Variants in INTS15 observed in about 807,000 individuals in gnomAD.
INTS15 encodes uncharacterized protein C7orf26.
the INTS15 span, among the ~76,000 whole-genome samples, chr7:6,592,490 A>G: frequency 1.3e-5 from 2 of 148,680 alleles, no homozygotes; most frequent in African/African-American, 2.5e-5. Flanking sequence ...TCGTGTGAAT[A>G]TGGGAGGCGG....
the INTS15 span, chr7:6,591,500 G>C: frequency 6.4e-6 from 4 of 629,778 alleles, no homozygotes; most frequent in East Asian, 8.7e-5. Flanking sequence ...TCTTGACCTC[G>C]TGATTCGCCC....
chr7:6,590,616 GC>G, the INTS15 span: 3 of 1,389,470 alleles, frequency 2.2e-6, no homozygotes, highest in East Asian at 2.9e-5. Context: ...TCCTGCAGCA[GC>G]CCCCAAACCC....
the INTS15 span, chr7:6,594,302 G>T: frequency 6.9e-6 from 6 of 868,438 alleles, no homozygotes; most frequent in Non-Finnish European, 9.1e-6. Flanking sequence ...CACCACACTC[G>T]GCCCCATTAA....
chr7:6,607,836 G>A, the INTS15 span: 1 of 1,515,166 alleles, frequency 6.6e-7, no homozygotes, highest in Admixed American at 2.1e-5. The surrounding 1 kb of genome is among the most constrained non-coding windows in gnomAD (Gnocchi z 6.0). Flanking sequence ...TGGACCCCCG[G>A]GTGGTCCGTG....
At chr7:6,602,657 C>T in the INTS15 span, 1 of 470,896 alleles carries the variant, frequency 2.1e-6, no homozygotes, top group Non-Finnish European at 4.4e-6. Context: ...TGTTCCCTGA[C>T]TCACAGGACG....
chr7:6,608,394 A>G, the INTS15 span: 3 of 1,396,854 alleles, frequency 2.1e-6, no homozygotes, highest in Non-Finnish European at 2.8e-6. Flanking sequence ...TGCTGCGTGC[A>G]TTTTTAAAAG....
the INTS15 span, among the ~76,000 whole-genome samples, chr7:6,602,437 C>G: frequency 6.6e-6 from 1 of 152,166 alleles, no homozygotes; most frequent in African/African-American, 2.4e-5. Context: ...GTTGGTGGCA[C>G]TGTGAACTGC....
the INTS15 span, chr7:6,594,310 T>G: frequency 7.2e-6 from 7 of 973,756 alleles, no homozygotes; most frequent in Non-Finnish European, 1.1e-5. Flanking sequence ...TCGGCCCCAT[T>G]AACATCTTTT....
chr7:6,602,748 A>G, the INTS15 span: 31 of 471,172 alleles, frequency 6.6e-5, 1 homozygote, highest in Middle Eastern at 3.3e-4. Flanking sequence ...AAACGCAGTC[A>G]TCAGGTGAAA....
chr7:6,590,066 T>C, the INTS15 span: 1 of 294,466 alleles, frequency 3.4e-6, no homozygotes, highest in Admixed American at 5.3e-5. Context: ...CGGCGGCTCC[T>C]GGCGGCGCCG....
chr7:6,593,879 G>T, the INTS15 span, among the ~76,000 whole-genome samples: 1 of 151,056 alleles, frequency 6.6e-6, no homozygotes, highest in Non-Finnish European at 1.5e-5. Context: ...TGGAACTGCT[G>T]GGCTCAAGTG....
chr7:6,608,541 A>G, the INTS15 span: 1 of 1,109,824 alleles, frequency 9.0e-7, no homozygotes, highest in African/African-American at 1.7e-5. Flanking sequence ...TCCCCGCCAG[A>G]AAAAGTGGGC....
chr7:6,607,570 C>T, the INTS15 span: 1 of 1,343,470 alleles, frequency 7.4e-7, no homozygotes. The surrounding 1 kb of genome is among the most constrained non-coding windows in gnomAD (Gnocchi z 6.0). Flanking sequence ...GCAAGGCCAG[C>T]TTCCTGGGGC....
chr7:6,590,501 C>G, the INTS15 span: 7 of 1,532,036 alleles, frequency 4.6e-6, no homozygotes, highest in Admixed American at 4.1e-5. Flanking sequence ...GTCGGGTTCC[C>G]GGGCCCCGCA....
At chr7:6,595,193 G>A in the INTS15 span, among the ~76,000 whole-genome samples, 3 of 152,072 alleles carry the variant, frequency 2.0e-5, no homozygotes, top group Non-Finnish European at 4.4e-5. Flanking sequence ...CACCACGCCT[G>A]GCTAATTTTT....
the INTS15 span, chr7:6,590,133 G>T: frequency 1.7e-6 from 1 of 584,226 alleles, no homozygotes; most frequent in Non-Finnish European, 2.5e-6. Flanking sequence ...CCCCTGAGCA[G>T]GCAGGGAGCA....
the INTS15 span, among the ~76,000 whole-genome samples, chr7:6,605,940 C>G: frequency 9.2e-4 from 140 of 152,278 alleles, no homozygotes; most frequent in African/African-American, 3.2e-3. Context: ...CTCAGGTGAT[C>G]TGCCTTCCTC....
chr7:6,590,446 G>T, the INTS15 span: 1 of 1,598,042 alleles, frequency 6.3e-7, no homozygotes, highest in East Asian at 2.3e-5. Context: ...CGTGTTCCAG[G>T]TGCCCAAGGA....
the INTS15 span, chr7:6,607,487 G>T: frequency 7.8e-7 from 1 of 1,285,148 alleles, no homozygotes; most frequent in Non-Finnish European, 1.0e-6. The surrounding 1 kb of genome is among the most constrained non-coding windows in gnomAD (Gnocchi z 6.0). Context: ...GCTGGGTCCA[G>T]GCCTGGGCCG....
Sources: gnomAD v4.1 joint callset for allele counts (sites outside exome capture counted in the v4.1 genomes callset) on GRCh38, gnomAD v4.1.1 for gene constraint, Gnocchi (gnomAD v3.1) non-coding constraint, MANE v1.5 for transcripts, NCBI Gene and HGNC (gene_info 2026-07-23, HGNC 2026-07-21) for gene names.